GLB1L2: variants seen among roughly 807,000 people sequenced by gnomAD.
GLB1L2 encodes beta-galactosidase-1-like protein 2.
GLB1L2 carries 68 observed loss-of-function variants against 84.1 expected under a neutral mutation model. The observed-to-expected ratio is 0.81, with a 90% CI of 0.67 to 0.99. The LOEUF (loss-of-function observed/expected upper bound fraction) is 0.99, where lower values mean the gene tolerates loss of function less well. Among genes scored for constraint, GLB1L2 ranks in the 50% least tolerant of loss-of-function variants. GLB1L2 has a pLI of 0.00. For missense variants in GLB1L2, 762 were observed against 805.6 expected (o/e 0.95, Z 0.66); for synonymous variants, 290 against 318.0 (o/e 0.91, Z 0.94).
In GLB1L2 at chr11:134,332,126, T is replaced by G. The variant is rs763822962; in HGVS notation, c.65T>G (p.Leu22Trp). 2.5e-6 allele frequency: 4 copies of G among 1,583,296 alleles called. No homozygotes were observed. The highest frequency in any genetic ancestry group is 2.7e-5 in the African/African-American group (2 of 73,178). ...CTGGGACTCCTGCTGCTGGTCGTCT[T>G]GGGCTTCCTGGTGCTCCGCAGGTGA... ...RTLGLLLLVVLGFLVLRRLDW... is the reference protein window; with the variant it reads ...RTLGLLLLVVWGFLVLRRLDW... Residue 22 changes from leucine (L) to tryptophan (W), a missense_variant, in exon 1 of 19, where the codon TTG becomes TGG. Transcript: ENST00000535456.
At chr11:134,348,817 C>CT (rs998741049) in intron 5 of GLB1L2, among the ~76,000 whole-genome samples, 2 of 152,134 alleles carry the variant, frequency 1.3e-5, no homozygotes, top group African/African-American at 4.8e-5. Context: ...GATTCGGTGT[C>CT]TGGAAGGGCC....
Position 134,367,247 on chromosome 11 carries a change from T to C in GLB1L2, c.805-10T>C. 6.2e-7 allele frequency: 1 copy of C among 1,612,510 alleles called. No individual in the cohort carries two copies. The highest frequency in any genetic ancestry group is 8.5e-7 in the Non-Finnish European group (1 of 1,178,586). ...GCCTGCTTGTCTAACTCTCATTTTGTGGTGTCCAGGGGACTCAGCCCAAGA... is the reference window on the plus strand; with the variant it reads ...GCCTGCTTGTCTAACTCTCATTTTGCGGTGTCCAGGGGACTCAGCCCAAGA... On this transcript the variant is annotated splice_polypyrimidine_tract_variant and intron_variant, in intron 8 of 18. Transcript: ENST00000535456.
At chr11:134,349,304 T>C (rs115868890) in intron 5 of GLB1L2, among the ~76,000 whole-genome samples, 1,981 of 152,352 alleles carry the variant, frequency 0.013, 39 homozygotes, top group African/African-American at 0.043. Context: ...TTATGTTCCA[T>C]TGCATGTATA....
At chr11:134,357,188 G>A (rs537677713) in intron 6 of GLB1L2, among the ~76,000 whole-genome samples, 2 of 152,350 alleles carry the variant, frequency 1.3e-5, no homozygotes, top group African/African-American at 4.8e-5. Flanking sequence ...CCACCTACCT[G>A]AAGGCCGGAC....
At chr11:134,374,027 G>A (rs1009799800) in intron 16 of GLB1L2, 118 bp from the exon 17 acceptor site, 1 of 810,900 alleles carries the variant, frequency 1.2e-6, no homozygotes, top group Non-Finnish European at 2.1e-6. Flanking sequence ...TCTGTGTCCT[G>A]GTTAAGAGGC....
Position 134,342,642 on chromosome 11 carries a change from C to G in GLB1L2, c.87-112C>G, listed in dbSNP as rs537634223. The G allele has an allele frequency of 2.4e-5, 26 of 1,095,636 alleles. No homozygotes were observed. In the African/African-American group the frequency reaches 3.5e-4, roughly 15 times the overall value. The allele number at this position is 1,095,636 out of a possible 1,614,324, so 67.9% of individuals were successfully genotyped here. On this transcript the variant is annotated intron_variant, in intron 1 of 18. Coordinates refer to ENST00000535456, the MANE Select transcript of GLB1L2 (RefSeq NM_001370461.1). ...GCGGAGGGGAGCTTTTCCCAGCCAC[C>G]TGGACGCAGGCGCCCTCGAGAGAGA...
Position 134,370,238 on chromosome 11 carries a change from G to A in GLB1L2, c.1109-55G>A, listed in dbSNP as rs1943929855. 12 of 1,452,340 alleles carry A rather than the reference G, an allele frequency of 8.3e-6. No homozygotes were observed. Among genetic ancestry groups the A allele is most frequent in the South Asian group, 4.6e-5 (4 of 87,628 alleles). 90.0% of individuals were successfully genotyped at this position (1,452,340 alleles called of 1,614,324 possible). On this transcript the variant is annotated intron_variant, in intron 11 of 18. Coordinates refer to ENST00000535456, the MANE Select transcript of GLB1L2 (RefSeq NM_001370461.1). The surrounding 1 kb of genome is among the most constrained non-coding windows in gnomAD (Gnocchi z 4.7). The stretch of plus-strand genomic sequence containing the variant: ...TGGATGGGAGCCGGGTGGGGAGGAC[G>A]AGCAGGCAGTGACATTTGGGTCCGT...
chr11:134,369,944 C>A, intron 11 of GLB1L2, 59 bp downstream of exon 11: 5 of 1,422,504 alleles, frequency 3.5e-6, no homozygotes, highest in Non-Finnish European at 4.9e-6. Context: ...GCTCTCAGAC[C>A]CCTAAAGAGT....
chr11:134,342,674 G>A, intron 1 of GLB1L2, 80 bp from the exon 2 acceptor site: 1 of 1,387,150 alleles, frequency 7.2e-7, no homozygotes, highest in South Asian at 1.3e-5. Flanking sequence ...GAGAAATGCC[G>A]AGGACCTGCG....
chr11:134,352,332 T>A (rs1014161240), intron 5 of GLB1L2, among the ~76,000 whole-genome samples: 2 of 152,300 alleles, frequency 1.3e-5, no homozygotes, highest in Admixed American at 6.5e-5. Context: ...TTGAGTCATA[T>A]CTTTTTTCTT....
At chr11:134,343,873 G>A (rs1943506559) in intron 2 of GLB1L2, among the ~76,000 whole-genome samples, 1 of 152,238 alleles carries the variant, frequency 6.6e-6, no homozygotes. Context: ...GCGATGGGGT[G>A]GGGCCGGGAG....
chr11:134,342,846 C>T lies in GLB1L2; in HGVS notation c.179C>T (p.Thr60Ile), dbSNP rs779171838. ...KGWNFMLEDS[T>I]FWIFGGSIHY... Reference sequence around the variant, plus strand: ...TGGAACTTCATGCTGGAGGATTCCACCTTCTGGATCTTCGGGGGCTCCATC... The same window carrying T: ...TGGAACTTCATGCTGGAGGATTCCATCTTCTGGATCTTCGGGGGCTCCATC... Residue 60 changes from threonine (T) to isoleucine (I), a missense_variant, in exon 2 of 19, where the codon ACC (threonine) becomes ATC (isoleucine). Around this residue, in one of 3 missense-constraint regions of GLB1L2, gnomAD observed 100 missense variants for 88.8 expected, o/e 1.13. Transcript: ENST00000535456. The T allele has an allele frequency of 6.2e-7, 1 of 1,614,040 alleles. No individual in the cohort carries two copies. The highest frequency in any genetic ancestry group is 1.1e-5 in the South Asian group (1 of 91,070).
chr11:134,357,802 A>G (rs1189030137), intron 6 of GLB1L2, among the ~76,000 whole-genome samples: 2 of 152,222 alleles, frequency 1.3e-5, no homozygotes, highest in African/African-American at 4.8e-5. Context: ...GAGTGGTGTG[A>G]GAGAACAGGT....
At chr11:134,340,124 G>C (rs1035013178) in intron 1 of GLB1L2, among the ~76,000 whole-genome samples, 1 of 152,176 alleles carries the variant, frequency 6.6e-6, no homozygotes, top group African/African-American at 2.4e-5. Context: ...GGGAGTGGAG[G>C]CTCTCGCACC....
At chr11:134,374,490 C>G in intron 17 of GLB1L2, 112 bp from the exon 18 acceptor site, 2 of 872,756 alleles carry the variant, frequency 2.3e-6, no homozygotes, top group South Asian at 3.0e-5. Context: ...CATGGCTGTC[C>G]AGACACAGCT....
At position 134,366,291 on chromosome 11, in the gene GLB1L2, C is replaced by T. The variant is rs113726973; in HGVS notation, c.805-966C>T. Among the ~76,000 whole-genome samples, 546 of 152,326 alleles carry T rather than the reference C, an allele frequency of 3.6e-3. 5 individuals carry two copies. The highest frequency in any genetic ancestry group is 0.012 in the African/African-American group (499 of 41,566). On this transcript the variant is annotated intron_variant, in intron 8 of 18. Transcript: ENST00000535456. ...AAGGTAGGTGGCTTGTAAAGAAAAC[C>T]AAGCCGCCAGTCTTGCTAGAAGAAT...
At chr11:134,333,425 C>T (rs1018174049) in intron 1 of GLB1L2, among the ~76,000 whole-genome samples, 5 of 152,196 alleles carry the variant, frequency 3.3e-5, no homozygotes, top group Non-Finnish European at 5.9e-5. Flanking sequence ...CTCAGAGCAG[C>T]GGCAGCAGAT....
chr11:134,347,278 C>T (rs1943565044), intron 4 of GLB1L2, 47 bp from the exon 5 acceptor site: 8 of 1,425,430 alleles, frequency 5.6e-6, no homozygotes, highest in Non-Finnish European at 7.9e-6. Context: ...TCACAGCAAA[C>T]CCACTGTGAC....
At chr11:134,352,847 C>T (rs1943652096) in intron 5 of GLB1L2, among the ~76,000 whole-genome samples, 1 of 152,010 alleles carries the variant, frequency 6.6e-6, no homozygotes, top group Admixed American at 6.6e-5. Flanking sequence ...GGGGTTTCCC[C>T]TTGTTGGCCG....
Sources: allele counts gnomAD v4.1 joint callset (sites outside exome capture counted in the v4.1 genomes callset), GRCh38; gene constraint gnomAD v4.1.1; regional missense constraint gnomAD v4.1.1; non-coding constraint Gnocchi (gnomAD v3.1); transcripts MANE v1.5; gene names NCBI Gene and HGNC (gene_info 2026-07-23, HGNC 2026-07-21).